Variants in CHIC1 observed in about 807,000 individuals in gnomAD.
The protein encoded by CHIC1 is cysteine rich hydrophobic domain 1, also known as cysteine-rich hydrophobic domain-containing protein 1.
In CHIC1, 7 loss-of-function variants were observed where a neutral mutation model predicts 18.5. The ratio of observed to expected loss-of-function variants is 0.38; its 90% confidence interval spans 0.22 to 0.71. CHIC1 has a LOEUF of 0.71. Ranked by LOEUF, CHIC1 falls within the 30% of genes least tolerant of loss-of-function variation. The pLI, the probability that CHIC1 is intolerant of heterozygous loss-of-function variation, is 0.49. For missense variants in CHIC1, 159 were observed against 176.9 expected, an observed-to-expected ratio of 0.90 and a Z score of 0.57; for synonymous variants, 77 against 73.5, an observed-to-expected ratio of 1.05 and a Z score of -0.25.
At chrX:73,644,426 T>C (rs915342077) in intron 3 of CHIC1, among the ~76,000 whole-genome samples, 7 of 112,356 alleles carry the variant, frequency 6.2e-5, no homozygotes, top group Non-Finnish European at 1.1e-4. Context: ...GACAGGGACA[T>C]TTAAGTCTGC....
intron 3 of CHIC1, among the ~76,000 whole-genome samples, chrX:73,672,822 A>G (rs2147626558): frequency 8.9e-6 from 1 of 111,741 alleles, no homozygotes; most frequent in East Asian, 2.8e-4. Flanking sequence ...TTGGTGTTTT[A>G]GACATGAAGT....
chrX:73,623,159 C>A (rs2057768177), intron 3 of CHIC1, among the ~76,000 whole-genome samples: 1 of 111,267 alleles, frequency 9.0e-6, no homozygotes, highest in Non-Finnish European at 1.9e-5. Context: ...CGTATATTCT[C>A]TTGATTTGGG....
At chrX:73,659,081 A>G (rs2057966060) in intron 3 of CHIC1, among the ~76,000 whole-genome samples, 1 of 111,853 alleles carries the variant, frequency 8.9e-6, no homozygotes, top group South Asian at 3.7e-4. Flanking sequence ...GCTTTGAGTC[A>G]ACGTACTTGT....
intron 3 of CHIC1, among the ~76,000 whole-genome samples, chrX:73,629,824 G>A (rs189047769): frequency 1.1e-4 from 12 of 111,782 alleles, no homozygotes; most frequent in African/African-American, 3.9e-4. Flanking sequence ...CTATTTCTGT[G>A]GGAAGAAAAT....
intron 3 of CHIC1, among the ~76,000 whole-genome samples, chrX:73,643,796 C>A (rs1468865876): frequency 9.0e-6 from 1 of 111,471 alleles, no homozygotes; most frequent in East Asian, 2.8e-4. Flanking sequence ...TTTTTAACTT[C>A]TTTGCCTTTG....
rs368601603 is a variant in CHIC1 at position 73,675,871 on chromosome X, G to A, written c.508-3455G>A. 1.9e-4 allele frequency among the ~76,000 whole-genome samples: 21 copies of A among 110,173 alleles called. No homozygotes were observed. The East Asian group carries it at 3.1e-3, about 16-fold the overall frequency. Reference sequence around the variant, plus strand: ...GCATGTTTTTGCAGTGGCTGGTACCGGTTGTTCCTTTCCATGTTTAGTGCT... The same window carrying A: ...GCATGTTTTTGCAGTGGCTGGTACCAGTTGTTCCTTTCCATGTTTAGTGCT... On this transcript the variant is annotated intron_variant, in intron 3 of 5. Coordinates refer to ENST00000373502, the MANE Select transcript of CHIC1 (RefSeq NM_001039840.4).
chrX:73,647,472 G>T (rs1033725805), intron 3 of CHIC1, among the ~76,000 whole-genome samples: 23 of 112,092 alleles, frequency 2.1e-4, no homozygotes, highest in African/African-American at 6.8e-4. Context: ...TCCATGGGCA[G>T]GGGAAGGGTG....
In CHIC1 at chrX:73,646,693, ATTTG is replaced by A. The variant is rs768244473; in HGVS notation, c.508-32629_508-32626del. Among the ~76,000 whole-genome samples, 6 of 112,143 alleles carry A rather than the reference ATTTG, an allele frequency of 5.4e-5. No homozygotes were observed. In the East Asian group the frequency reaches 1.7e-3, roughly 32 times the overall value. ...ATTTTGTATCTTGTAAATTTACTGAATTTGTTTATCAACTCCAACAGTTTTTTGG... is the reference window on the plus strand; with the variant it reads ...ATTTTGTATCTTGTAAATTTACTGAATTTATCAACTCCAACAGTTTTTTGG... On this transcript the variant is annotated intron_variant, in intron 3 of 5. Transcript: ENST00000373502.
chrX:73,670,567 G>T (rs894669246), intron 3 of CHIC1, among the ~76,000 whole-genome samples: 3 of 109,057 alleles, frequency 2.8e-5, no homozygotes, highest in Non-Finnish European at 3.8e-5. Flanking sequence ...CTAGTTCCTT[G>T]AGGTGCATCA....
In CHIC1 at chrX:73,683,284, G is replaced by A. The variant is rs776656468; in HGVS notation, c.*2279G>A. The A allele has an allele frequency of 1.8e-5, 2 of 111,349 alleles. No homozygotes were observed. Among genetic ancestry groups the A allele is most frequent in the South Asian group, 3.7e-4 (1 of 2,701 alleles). 9.2% of individuals were successfully genotyped at this position (111,349 alleles called of 1,213,427 possible). A position where few individuals can be genotyped will look rare whatever the true frequency, so the allele number is the denominator to read the frequency against. ...ACTCGAGTTTATTATTTTATTGTTCGCTATGCTGGTTGACTCATCTTAGTT... is the reference window on the plus strand; with the variant it reads ...ACTCGAGTTTATTATTTTATTGTTCACTATGCTGGTTGACTCATCTTAGTT... On this transcript the variant is annotated 3_prime_UTR_variant, in exon 6 of 6. Transcript: ENST00000373502.
At chrX:73,656,228 A>C (rs2057948318) in intron 3 of CHIC1, among the ~76,000 whole-genome samples, 1 of 111,250 alleles carries the variant, frequency 9.0e-6, no homozygotes, top group African/African-American at 3.3e-5. Context: ...GGATTGCAAA[A>C]ATTTTCTCCT....
chrX:73,648,956 CAGTTAA>C (rs773952861), intron 3 of CHIC1, among the ~76,000 whole-genome samples: 1 of 111,783 alleles, frequency 8.9e-6, no homozygotes, highest in African/African-American at 3.2e-5. Context: ...AGAGAAAGGT[CAGTTAA>C]CCTACAAAGG....
chrX:73,580,359 A>G (rs933226127), intron 2 of CHIC1, among the ~76,000 whole-genome samples: 3 of 111,044 alleles, frequency 2.7e-5, no homozygotes, highest in Non-Finnish European at 5.7e-5. Context: ...TTGAGTATTT[A>G]AGTGTACATT....
Position 73,603,895 on chromosome X carries a change from C to T in CHIC1, c.507+19323C>T, listed in dbSNP as rs1370298389. Among the ~76,000 whole-genome samples, 7 of 108,566 alleles carry T rather than the reference C, an allele frequency of 6.4e-5. 1 individual carries two copies. The highest frequency in any genetic ancestry group is 3.8e-4 in the South Asian group (1 of 2,645). The allele number at this position is 108,566 out of a possible 115,157, so 94.3% of individuals were successfully genotyped here. A position where few individuals can be genotyped will look rare whatever the true frequency, so the allele number is the denominator to read the frequency against. ...AAGCTTTTTGATTTGCTGCTGGATT[C>T]GGTTTGCCAGTATTTTATTGAGGAT... On this transcript the variant is annotated intron_variant, in intron 3 of 5. Transcript: ENST00000373502.
In CHIC1 at chrX:73,563,464, G is replaced by A. The variant is rs142151591; in HGVS notation, c.180G>A (p.Glu60=). 100 of 1,151,317 alleles carry A rather than the reference G, an allele frequency of 8.7e-5. No homozygotes were observed. In the African/African-American group the frequency reaches 1.7e-3, roughly 19 times the overall value. The allele number at this position is 1,151,317 out of a possible 1,213,427, so 94.9% of individuals were successfully genotyped here. A position where few individuals can be genotyped will look rare whatever the true frequency, so the allele number is the denominator to read the frequency against. Residue 60 remains glutamate (E), a synonymous_variant, in exon 1 of 6, where the codon GAG becomes GAA. Coordinates refer to ENST00000373502, the MANE Select transcript of CHIC1 (RefSeq NM_001039840.4). ...EEEEEEEEEE[E]EEEEEEEEAP... ...AGGAAGAGGAGGAGGAGGAAGAAGA[G>A]GAGGAGGAGGAAGAGGAGGAGGAAG...
At chrX:73,608,594 A>G (rs1396903532) in intron 3 of CHIC1, among the ~76,000 whole-genome samples, 1 of 107,894 alleles carries the variant, frequency 9.3e-6, no homozygotes, top group Admixed American at 9.8e-5. Flanking sequence ...TTTTCTATGT[A>G]TCAGTGTTTT....
chrX:73,640,801 G>C (rs2057852091), intron 3 of CHIC1, among the ~76,000 whole-genome samples: 1 of 111,169 alleles, frequency 9.0e-6, no homozygotes, highest in Non-Finnish European at 1.9e-5. Flanking sequence ...AGACACTCCT[G>C]GATTTGTTGA....
At position 73,681,026 on chromosome X, in the gene CHIC1, C is replaced by T. The variant is rs761499501; in HGVS notation, c.*21C>T. 7.9e-6 allele frequency: 8 copies of T among 1,017,351 alleles called. No homozygotes were observed. The highest frequency in any genetic ancestry group is 1.9e-5 in the African/African-American group (1 of 52,254). The allele number at this position is 1,017,351 out of a possible 1,213,427, so 83.8% of individuals were successfully genotyped here. A position where few individuals can be genotyped will look rare whatever the true frequency, so the allele number is the denominator to read the frequency against. ...ACTGAGGAGTTTTATCCAGTCACTT[C>T]TGTGTTACCTGTCATTTCCTACCCT... is the stretch of plus-strand genomic sequence containing the variant. On this transcript the variant is annotated 3_prime_UTR_variant, in exon 6 of 6. Coordinates refer to ENST00000373502, the MANE Select transcript of CHIC1 (RefSeq NM_001039840.4).
chrX:73,618,422 C>T (rs1373419517), intron 3 of CHIC1, among the ~76,000 whole-genome samples: 1 of 111,023 alleles, frequency 9.0e-6, no homozygotes, highest in Non-Finnish European at 1.9e-5. Flanking sequence ...TGTCTGAGCT[C>T]AGACTCTCCT....
Sources: allele counts gnomAD v4.1 joint callset (sites outside exome capture counted in the v4.1 genomes callset), GRCh38; gene constraint gnomAD v4.1.1; transcripts MANE v1.5; gene names NCBI Gene and HGNC (gene_info 2026-07-23, HGNC 2026-07-21).